NOTCH2: variants seen among roughly 807,000 people sequenced by gnomAD.
NOTCH2 encodes notch receptor 2.
A neutral mutation model predicts 235.8 loss-of-function variants in NOTCH2; 29 were observed. The ratio of observed to expected loss-of-function variants is 0.12; its 90% CI spans 0.09 to 0.17. NOTCH2 has a LOEUF of 0.17. NOTCH2 is among the 10% of genes least tolerant of loss of function. The pLI is 1.00. For missense variants in NOTCH2, 2,285 were observed against 3,150.2 expected, an observed-to-expected ratio of 0.73 and a Z score of 6.57; for synonymous variants, 1,086 against 1,141.5, an observed-to-expected ratio of 0.95 and a Z score of 0.98.
intron 19 of NOTCH2, among the ~76,000 whole-genome samples, chr1:119,939,036 C>A (rs587675456): frequency 6.6e-6 from 1 of 152,226 alleles, no homozygotes; most frequent in South Asian, 2.1e-4. Context: ...GTGGCCAGAG[C>A]CTATTCTGGC....
At chr1:119,947,749 T>C (rs587643727) in intron 17 of NOTCH2, among the ~76,000 whole-genome samples, 48 of 152,330 alleles carry the variant, frequency 3.2e-4, no homozygotes, top group African/African-American at 1.1e-3. Context: ...AACACCCAAA[T>C]GGCCATCAAC....
intron 3 of NOTCH2, among the ~76,000 whole-genome samples, chr1:119,999,963 GAAAGA>G (rs1557840196): frequency 4.7e-5 from 6 of 128,116 alleles, no homozygotes; most frequent in East Asian, 2.2e-4. Flanking sequence ...AAGAAAGAAA[GAAAGA>G]AAGAAAGAAA....
chr1:119,974,947 G>C (rs145320872), intron 5 of NOTCH2, among the ~76,000 whole-genome samples: 4,224 of 152,218 alleles, frequency 0.028, 71 homozygotes, highest in Middle Eastern at 0.058. Context: ...CTAGACACTT[G>C]GTGTCAGTGG....
rs1649019242 is a variant in NOTCH2 at position 119,915,155 on chromosome 1, T to C, written c.*151A>G. 3 of 794,608 alleles carry C rather than the reference T, an allele frequency of 3.8e-6. No individual in the cohort carries two copies. Among genetic ancestry groups the C allele is most frequent in the Admixed American group, 2.0e-5 (1 of 49,756 alleles). The allele number at this position is 794,608 out of a possible 1,614,324, so 49.2% of individuals were successfully genotyped here. ...CCCAGTGAAACTGACGAATTGCTTC[T>C]CTTGCATTATCTGAATAAGAACATC... On this transcript the variant is annotated 3_prime_UTR_variant, in exon 34 of 34. Coordinates refer to ENST00000256646, the MANE Select transcript of NOTCH2 (RefSeq NM_024408.4).
intron 19 of NOTCH2, 131 bp from the exon 20 acceptor site, chr1:119,938,141 A>T: frequency 2.0e-6 from 2 of 979,232 alleles, no homozygotes; most frequent in Non-Finnish European, 3.1e-6. Flanking sequence ...TCATCTAGTA[A>T]AAGAGCCCTT....
chr1:119,950,554 CA>C (rs1257695288), intron 15 of NOTCH2, 169 bp downstream of exon 15: 1 of 705,736 alleles, frequency 1.4e-6, no homozygotes, highest in Non-Finnish European at 2.6e-6. Flanking sequence ...TAGGAGGCCA[CA>C]ATGTTTCCTC....
Position 119,915,390 on chromosome 1 carries a change from G to C in NOTCH2, c.7332C>G (p.Thr2444=). The change falls in exon 34 of 34, where the codon ACC becomes ACG. Residue 2444 remains threonine (T), a synonymous_variant. Transcript: ENST00000256646. ...GCTGACCTCCTCCAGCACCCCCAGG[G>C]GTAGGGCTGGTGGTCACATCTGACC... ...SDWSDVTTSP[T]PGGAGGGQRG... is the part of the protein sequence containing the mutation. 6.2e-7 allele frequency: 1 copy of C among 1,614,164 alleles called. No individual in the cohort carries two copies. The highest frequency in any genetic ancestry group is 8.5e-7 in the Non-Finnish European group (1 of 1,180,028).
rs908602448 is a variant in NOTCH2 at position 119,921,955 on chromosome 1, T to A, written c.5214-146A>T. 7.1e-5 allele frequency: 55 copies of A among 776,216 alleles called. No homozygotes were observed. The South Asian group carries it at 8.3e-4, about 12-fold the overall frequency. The allele number at this position is 776,216 out of a possible 1,614,324, so 48.1% of individuals were successfully genotyped here. On this transcript the variant is annotated intron_variant, in intron 28 of 33. Transcript: ENST00000256646. ...CAGAGAAGATGGGCAGTATTTTTGG[T>A]GACATTCCCTTGGCATTCATCCTTT...
At position 119,996,292 on chromosome 1, in the gene NOTCH2, G is replaced by A. The variant is rs1553204092; in HGVS notation, c.751+705C>T. 2.2e-4 allele frequency: 53 copies of A among 239,758 alleles called. No individual in the cohort carries two copies. The South Asian group carries it at 2.8e-3, about 13-fold the overall frequency. 14.9% of individuals were successfully genotyped at this position (239,758 alleles called of 1,614,324 possible). Reference sequence around the variant, plus strand: ...TTGTTTCTATCTTTGGGTTGTGTGTGCACTCTAGAACACTTGTATCAGTGA... The same window carrying A: ...TTGTTTCTATCTTTGGGTTGTGTGTACACTCTAGAACACTTGTATCAGTGA... On this transcript the variant is annotated intron_variant, in intron 4 of 33. Coordinates refer to ENST00000256646, the MANE Select transcript of NOTCH2 (RefSeq NM_024408.4).
rs1358941072 is a variant in NOTCH2, at chr1:119,925,210, T to TAG, written c.4511+93_4511+94dup. On this transcript the variant is annotated intron_variant, in intron 25 of 33. Transcript: ENST00000256646. Reference sequence around the variant, plus strand: ...CACCATCTGAAAAGCAGAGGCAGCTTAGGCTGAAGCACTGGAGTGGTTAGG... The same window carrying TAG: ...CACCATCTGAAAAGCAGAGGCAGCTTAGAGGCTGAAGCACTGGAGTGGTTAGG... The TAG allele has an allele frequency of 4.6e-6, 7 of 1,505,816 alleles. No individual in the cohort carries two copies. The Admixed American group carries it at 5.0e-5, about 11-fold the overall frequency. 93.3% of individuals were successfully genotyped at this position (1,505,816 alleles called of 1,614,324 possible).
In NOTCH2 at chr1:119,912,035, A is replaced by G. The variant is rs1463090731; in HGVS notation, c.*3271T>C. ...CCAGGCCATGGATGCAGTATTGGAA[A>G]ATAAAAAATACAACACCACTGAGCT... On this transcript the variant is annotated 3_prime_UTR_variant, in exon 34 of 34. Coordinates refer to ENST00000256646, the MANE Select transcript of NOTCH2 (RefSeq NM_024408.4). 1 of 233,610 alleles carries G rather than the reference A, an allele frequency of 4.3e-6. No individual in the cohort carries two copies. The highest frequency in any genetic ancestry group is 8.5e-6 in the Non-Finnish European group (1 of 118,064). The allele number at this position is 233,610 out of a possible 1,614,324, so 14.5% of individuals were successfully genotyped here.
intron 4 of NOTCH2, among the ~76,000 whole-genome samples, chr1:119,988,218 A>G (rs138228473): frequency 1.3e-5 from 2 of 152,186 alleles, no homozygotes; most frequent in South Asian, 2.1e-4. Flanking sequence ...ATTCCTTACC[A>G]TAAGTTACTG....
intron 22 of NOTCH2, among the ~76,000 whole-genome samples, chr1:119,931,884 G>C (rs6688004): frequency 6.7e-6 from 1 of 150,304 alleles, no homozygotes; most frequent in Non-Finnish European, 1.5e-5. Context: ...AAAGAAAAAA[G>C]ATAAAAAAAT....
chr1:119,912,104 A>C lies in NOTCH2; in HGVS notation c.*3202T>G, dbSNP rs748356989. On this transcript the variant is annotated 3_prime_UTR_variant, in exon 34 of 34. Transcript: ENST00000256646. ...TTGTGATAAAAATGCTTTCATATAA[A>C]TTTCATCTTAACTACCTTTAGAATG... 2.7e-4 allele frequency: 62 copies of C among 233,512 alleles called. No homozygotes were observed. Among genetic ancestry groups the C allele is most frequent in the Middle Eastern group, 2.5e-3 (2 of 806 alleles). The allele number at this position is 233,512 out of a possible 1,614,324, so 14.5% of individuals were successfully genotyped here.
At position 119,920,238 on chromosome 1, in the gene NOTCH2, G is replaced by A. The variant is rs1392588923; in HGVS notation, c.5470C>T (p.Arg1824Cys). Residue 1824 changes from arginine to cysteine, a missense_variant, in exon 30 of 34, where the codon CGT (arginine) becomes TGT (cysteine). Transcript: ENST00000256646. The stretch of plus-strand genomic sequence containing the variant: ...GAGGCCCGGTGCTGACCTGGGCCAC[G>A]GACATTCACATCTAACACATCCACC... ...QEVDVLDVNVRGPDGCTPLML... is the reference protein window; with the variant it reads ...QEVDVLDVNVCGPDGCTPLML... The A allele has an allele frequency of 6.8e-6, 11 of 1,613,892 alleles. No homozygotes were observed. The highest frequency in any genetic ancestry group is 2.2e-5 in the East Asian group (1 of 44,892).
rs993207037 is a variant in NOTCH2, at chr1:119,912,030, T to A, written c.*3276A>T. ...CACTGCCAGGCCATGGATGCAGTAT[T>A]GGAAAATAAAAAATACAACACCACT... On this transcript the variant is annotated 3_prime_UTR_variant, in exon 34 of 34. Transcript: ENST00000256646. The A allele has an allele frequency of 3.4e-5, 8 of 233,548 alleles. No homozygotes were observed. Among genetic ancestry groups the A allele is most frequent in the African/African-American group, 1.8e-4 (8 of 45,346 alleles). 14.5% of individuals were successfully genotyped at this position (233,548 alleles called of 1,614,324 possible).
intron 2 of NOTCH2, among the ~76,000 whole-genome samples, chr1:120,006,446 G>A (rs1360996171): frequency 2.0e-5 from 3 of 147,652 alleles, no homozygotes; most frequent in East Asian, 2.0e-4. Context: ...TTCATAAGAT[G>A]TACAACCATT....
intron 9 of NOTCH2, among the ~76,000 whole-genome samples, chr1:119,965,778 C>CA (rs1651113163): frequency 6.6e-6 from 1 of 152,210 alleles, no homozygotes; most frequent in Non-Finnish European, 1.5e-5. Context: ...TCTTCACAGA[C>CA]AGACTTCACT....
At chr1:119,919,272 T>C (rs377139971) in intron 31 of NOTCH2, 40 bp downstream of exon 31, 1,346 of 1,543,862 alleles carry the variant, frequency 8.7e-4, no homozygotes, top group Non-Finnish European at 1.2e-3. Context: ...TATAGAGCCA[T>C]AGGAATTATT....
Sources: allele counts gnomAD v4.1 joint callset (sites outside exome capture counted in the v4.1 genomes callset), GRCh38; gene constraint gnomAD v4.1.1; transcripts MANE v1.5; gene names NCBI Gene and HGNC (gene_info 2026-07-23, HGNC 2026-07-21).